Variants in BANK1 observed in about 807,000 individuals in gnomAD.
The protein encoded by BANK1 is B-cell scaffold protein with ankyrin repeats.
A neutral mutation model predicts 94.5 loss-of-function variants in BANK1; 95 were observed. That is an observed-to-expected ratio of 1.00 (90% CI 0.85 to 1.19). BANK1 has a LOEUF of 1.19. Among genes scored for constraint, BANK1 ranks in the 50% most tolerant of loss-of-function variants. The pLI is 0.00. For missense variants in BANK1, 987 were observed against 932.2 expected, an observed-to-expected ratio of 1.06 and a Z score of -0.77; for synonymous variants, 334 against 308.4, an observed-to-expected ratio of 1.08 and a Z score of -0.87.
chr4:102,043,644 C>A (rs1727776391), intron 10 of BANK1, among the ~76,000 whole-genome samples, 195 bp from the exon 11 acceptor site: 1 of 152,108 alleles, frequency 6.6e-6, no homozygotes, highest in Admixed American at 6.6e-5. Context: ...AATGAAAATG[C>A]TTTCTGAAAT....
At chr4:101,961,591 A>G (rs891433597) in intron 7 of BANK1, among the ~76,000 whole-genome samples, 1 of 152,110 alleles carries the variant, frequency 6.6e-6, no homozygotes, top group African/African-American at 2.4e-5. Context: ...CATTGGTTTT[A>G]CTGTCAAACT....
At chr4:101,970,182 T>C (rs1291991924) in intron 7 of BANK1, among the ~76,000 whole-genome samples, 1 of 152,144 alleles carries the variant, frequency 6.6e-6, no homozygotes, top group African/African-American at 2.4e-5. Context: ...TGTCAGGCAC[T>C]GTTATCCCAG....
intron 3 of BANK1, among the ~76,000 whole-genome samples, chr4:101,859,575 T>C (rs1263194827): frequency 6.6e-6 from 1 of 152,158 alleles, no homozygotes; most frequent in East Asian, 1.9e-4. Context: ...TCGTAAGTGG[T>C]AAAACTAATT....
At chr4:102,072,113 C>T (rs1728780695) in intron 14 of BANK1, among the ~76,000 whole-genome samples, 1 of 152,184 alleles carries the variant, frequency 6.6e-6, no homozygotes, top group Admixed American at 6.6e-5. Flanking sequence ...TTTCTAAACT[C>T]AAGTGACTCC....
chr4:101,997,891 A>G (rs1725934057), intron 7 of BANK1, among the ~76,000 whole-genome samples: 1 of 151,834 alleles, frequency 6.6e-6, no homozygotes, highest in Non-Finnish European at 1.5e-5. Flanking sequence ...TTGATTTTTG[A>G]AAGTTTTTTT....
chr4:102,061,721 G>A (rs953631134), intron 12 of BANK1: 6 of 149,440 alleles, frequency 4.0e-5, no homozygotes, highest in African/African-American at 1.2e-4. Flanking sequence ...AACCCTGGTT[G>A]TTTCTATTTT....
At chr4:101,995,414 A>G (rs995069800) in intron 7 of BANK1, among the ~76,000 whole-genome samples, 9 of 152,178 alleles carry the variant, frequency 5.9e-5, no homozygotes, top group South Asian at 2.1e-4. Flanking sequence ...ATGTATGTGC[A>G]TGTGTCTTTA....
chr4:101,985,956 A>T (rs1053090609), intron 7 of BANK1, among the ~76,000 whole-genome samples: 2 of 152,170 alleles, frequency 1.3e-5, no homozygotes, highest in African/African-American at 4.8e-5. Context: ...GATAAAAGAG[A>T]ACTGCATTCC....
chr4:101,813,608 A>G (rs539475580), intron 1 of BANK1, among the ~76,000 whole-genome samples: 5 of 152,230 alleles, frequency 3.3e-5, no homozygotes, highest in Non-Finnish European at 7.3e-5. Context: ...CCTTGACCGC[A>G]TTATGTAAAG....
At chr4:102,036,400 G>A (rs1352379657) in intron 10 of BANK1, among the ~76,000 whole-genome samples, 4 of 152,132 alleles carry the variant, frequency 2.6e-5, no homozygotes, top group Admixed American at 6.5e-5. Flanking sequence ...CATTGTAAAC[G>A]TGACAGAGTA....
intron 7 of BANK1, among the ~76,000 whole-genome samples, chr4:101,935,361 G>C (rs1723493214): frequency 1.3e-5 from 2 of 151,532 alleles, no homozygotes; most frequent in South Asian, 4.2e-4. Flanking sequence ...ATCTTTCTGT[G>C]GGCTGTTAAC....
intron 5 of BANK1, among the ~76,000 whole-genome samples, chr4:101,881,063 C>G (rs906098696): frequency 6.6e-6 from 1 of 151,902 alleles, no homozygotes; most frequent in Non-Finnish European, 1.5e-5. Context: ...AAAGCAAAAA[C>G]GGACAAATAT....
At chr4:102,066,342 C>T (rs1728591847) in intron 13 of BANK1, among the ~76,000 whole-genome samples, 1 of 151,280 alleles carries the variant, frequency 6.6e-6, no homozygotes, top group Non-Finnish European at 1.5e-5. Flanking sequence ...CTGCAAGCTC[C>T]GCCTCCTGGG....
intron 7 of BANK1, among the ~76,000 whole-genome samples, chr4:101,939,695 T>A (rs1422104554): frequency 6.6e-6 from 1 of 151,286 alleles, no homozygotes; most frequent in Non-Finnish European, 1.5e-5. Context: ...TGTAGGGGAG[T>A]ATAAGGAATA....
At chr4:101,795,694 A>G (rs1157022520) in intron 1 of BANK1, among the ~76,000 whole-genome samples, 2 of 152,200 alleles carry the variant, frequency 1.3e-5, no homozygotes, top group Admixed American at 6.5e-5. Context: ...TCTGGTTTCA[A>G]TTAATGGGAT....
At chr4:101,973,277 TTATC>T (rs1725014191) in intron 7 of BANK1, among the ~76,000 whole-genome samples, 2 of 151,782 alleles carry the variant, frequency 1.3e-5, no homozygotes, top group African/African-American at 4.8e-5. Flanking sequence ...TAATTATATA[TTATC>T]TATTTATAAT....
chr4:101,807,649 C>A (rs1457692327), intron 1 of BANK1, among the ~76,000 whole-genome samples: 1 of 152,156 alleles, frequency 6.6e-6, no homozygotes, highest in Non-Finnish European at 1.5e-5. Context: ...GATAAATGCT[C>A]TACATGCTTT....
At chr4:101,996,776 A>T (rs749004091) in intron 7 of BANK1, among the ~76,000 whole-genome samples, 7 of 152,220 alleles carry the variant, frequency 4.6e-5, no homozygotes, top group Non-Finnish European at 8.8e-5. Context: ...TTGCACATTG[A>T]TTTTGTATCC....
At chr4:101,947,794 G>A (rs1723987964) in intron 7 of BANK1, among the ~76,000 whole-genome samples, 1 of 151,904 alleles carries the variant, frequency 6.6e-6, no homozygotes, top group African/African-American at 2.4e-5. Context: ...TTCAAGTTTA[G>A]TCATGTTCAC....
Sources: gnomAD v4.1 joint callset for allele counts (sites outside exome capture counted in the v4.1 genomes callset) on GRCh38, gnomAD v4.1.1 for gene constraint, MANE v1.5 for transcripts, NCBI Gene and HGNC (gene_info 2026-07-23, HGNC 2026-07-21) for gene names.